Variants in LHPP observed in about 807,000 individuals in gnomAD.
LHPP encodes the protein hLHPP.
LHPP carries 24 observed loss-of-function variants against 30.3 expected under a neutral mutation model. The ratio of observed to expected loss-of-function variants is 0.79; its 90% CI spans 0.57 to 1.11. The LOEUF is 1.11. Ranked by LOEUF, LHPP falls within the 50% of genes most tolerant of loss-of-function variation. The pLI is 0.00. For synonymous variants in LHPP, 150 were observed against 157.1 expected (o/e 0.95, Z 0.34); for missense variants, 356 against 367.2 (o/e 0.97, Z 0.25).
intron 6 of LHPP, among the ~76,000 whole-genome samples, chr10:124,519,459 A>T (rs1485042786): frequency 6.6e-6 from 1 of 152,104 alleles, no homozygotes. Flanking sequence ...AAATTTCAGT[A>T]GTTTTTGGAG....
At chr10:124,516,574 C>A (rs1479256547) in intron 5 of LHPP, among the ~76,000 whole-genome samples, 1 of 152,104 alleles carries the variant, frequency 6.6e-6, no homozygotes, top group Non-Finnish European at 1.5e-5. Flanking sequence ...TGTCCGGTGT[C>A]CTGAAAGCTG....
intron 6 of LHPP, among the ~76,000 whole-genome samples, chr10:124,536,605 C>T (rs1955034249): frequency 6.6e-6 from 1 of 152,182 alleles, no homozygotes; most frequent in Non-Finnish European, 1.5e-5. Context: ...TCCCTGAGGG[C>T]TCTGTGAGCC....
chr10:124,531,236 G>C (rs770465914), intron 6 of LHPP, among the ~76,000 whole-genome samples: 1 of 152,142 alleles, frequency 6.6e-6, no homozygotes, highest in Admixed American at 6.5e-5. Context: ...CCCACACCCC[G>C]TCTCAAGGTC....
Position 124,471,475 on chromosome 10 carries a change from TATATA to T in LHPP, c.125+9489_125+9493del, listed in dbSNP as rs1320843787. On this transcript the variant is annotated intron_variant, in intron 1 of 6. Coordinates refer to ENST00000368842, the MANE Select transcript of LHPP (RefSeq NM_022126.4). ...TATATTTATATATATTTATATATTA[TATATA>T]TTTATATATTTATATATATTTATAT... 0.011 allele frequency among the ~76,000 whole-genome samples: 22 copies of T among 2,000 alleles called. 4 individuals carry two copies. In the East Asian group the frequency reaches 0.16, roughly 14 times the overall value. 1.3% of individuals were successfully genotyped at this position (2,000 alleles called of 152,430 possible). A position where few individuals can be genotyped will look rare whatever the true frequency, so the allele number is the denominator to read the frequency against.
chr10:124,517,045 ATTATC>A lies in LHPP; in HGVS notation c.625-132_625-128del. The A allele has an allele frequency of 3.3e-6, 2 of 605,206 alleles. No individual in the cohort carries two copies. Among genetic ancestry groups the A allele is most frequent in the South Asian group, 2.1e-5 (1 of 47,862 alleles). The allele number at this position is 605,206 out of a possible 1,614,324, so 37.5% of individuals were successfully genotyped here. ...GACTTTTAATCAATACGATGACAAT[ATTATC>A]TTGTTTAATTTGTATGATGGTGGTT... On this transcript the variant is annotated intron_variant, in intron 5 of 6. Transcript: ENST00000368842. This position sits in a 1 kb window ranked among gnomAD's most constrained non-coding sequence, Gnocchi z 4.1.
At chr10:124,553,420 G>A (rs1215801840) in intron 6 of LHPP, among the ~76,000 whole-genome samples, 1 of 150,796 alleles carries the variant, frequency 6.6e-6, no homozygotes, top group Non-Finnish European at 1.5e-5. Context: ...TCCCAACAGC[G>A]GCACCATAGG....
intron 6 of LHPP, among the ~76,000 whole-genome samples, chr10:124,535,346 G>A (rs1320163401): frequency 6.6e-6 from 1 of 152,184 alleles, no homozygotes; most frequent in Non-Finnish European, 1.5e-5. Context: ...TGCCACATGT[G>A]GTGGTTACTG....
intron 6 of LHPP, 168 bp from the exon 7 acceptor site, chr10:124,613,096 G>A (rs1471065212): frequency 4.6e-6 from 3 of 651,710 alleles, no homozygotes; most frequent in African/African-American, 1.8e-5. Context: ...TGCCTGAGTA[G>A]GGCAGGGGGA....
intron 6 of LHPP, among the ~76,000 whole-genome samples, chr10:124,603,730 G>A (rs369013097): frequency 5.9e-5 from 9 of 152,192 alleles, no homozygotes; most frequent in Non-Finnish European, 1.3e-4. Flanking sequence ...GCCACCCTTC[G>A]TGCCAGGACC....
intron 6 of LHPP, among the ~76,000 whole-genome samples, chr10:124,535,575 T>TG (rs948037154): frequency 2.1e-5 from 3 of 145,660 alleles, no homozygotes; most frequent in African/African-American, 8.2e-5. Flanking sequence ...AAAAAAACAT[T>TG]TTTTTTTTTT....
intron 6 of LHPP, among the ~76,000 whole-genome samples, chr10:124,568,894 G>C (rs1052439961): frequency 1.3e-5 from 2 of 152,154 alleles, no homozygotes; most frequent in African/African-American, 4.8e-5. Flanking sequence ...ACACTTGGAG[G>C]CCCCCCTAGG....
At chr10:124,568,946 T>C (rs1010571284) in intron 6 of LHPP, among the ~76,000 whole-genome samples, 12 of 151,692 alleles carry the variant, frequency 7.9e-5, no homozygotes, top group African/African-American at 2.4e-4. Flanking sequence ...GCATGTTCTG[T>C]CCCCCCCACG....
intron 5 of LHPP, among the ~76,000 whole-genome samples, chr10:124,499,289 G>A (rs1020893226): frequency 1.3e-5 from 2 of 150,206 alleles, no homozygotes; most frequent in African/African-American, 2.5e-5. Flanking sequence ...CAAAGTGCTG[G>A]GATTACAGGC....
chr10:124,489,606 C>T (rs1953455983), intron 3 of LHPP, among the ~76,000 whole-genome samples: 1 of 152,166 alleles, frequency 6.6e-6, no homozygotes, highest in Admixed American at 6.5e-5. Flanking sequence ...AGGCGCCCGC[C>T]ACCATCCCAG....
At chr10:124,579,484 C>CTGG (rs58312216) in intron 6 of LHPP, among the ~76,000 whole-genome samples, 7,380 of 152,274 alleles carry the variant, frequency 0.048, 558 homozygotes, top group African/African-American at 0.16. Flanking sequence ...GGCTGTCCCA[C>CTGG]AATTTATATT....
At chr10:124,491,315 C>T (rs531435610) in intron 3 of LHPP, among the ~76,000 whole-genome samples, 5 of 152,322 alleles carry the variant, frequency 3.3e-5, no homozygotes, top group South Asian at 2.1e-4. Context: ...CTGGTGACAG[C>T]GCTCACTGCC....
chr10:124,608,616 G>C (rs1949125945), intron 6 of LHPP, among the ~76,000 whole-genome samples: 2 of 152,252 alleles, frequency 1.3e-5, no homozygotes. Context: ...AACTGAGGCA[G>C]AGAGGTGTTT....
chr10:124,558,530 C>T (rs911633119), intron 6 of LHPP, among the ~76,000 whole-genome samples: 7 of 152,144 alleles, frequency 4.6e-5, no homozygotes, highest in African/African-American at 1.7e-4. Flanking sequence ...GCCCTTGTGT[C>T]GCTGGTTCAG....
intron 6 of LHPP, among the ~76,000 whole-genome samples, chr10:124,610,201 T>C (rs1949152080): frequency 6.6e-6 from 1 of 152,194 alleles, no homozygotes; most frequent in South Asian, 2.1e-4. Context: ...CTCTCCTAGA[T>C]CGTAGACACC....
Sources: allele counts gnomAD v4.1 joint callset (sites outside exome capture counted in the v4.1 genomes callset), GRCh38; gene constraint gnomAD v4.1.1; non-coding constraint Gnocchi (gnomAD v3.1); transcripts MANE v1.5; gene names NCBI Gene and HGNC (gene_info 2026-07-23, HGNC 2026-07-21).